NRG3: variants seen among roughly 807,000 people sequenced by gnomAD.
NRG3 encodes neuregulin 3, also known as pro-neuregulin-3, membrane-bound isoform.
NRG3 carries 31 observed loss-of-function variants against 66.9 expected under a neutral mutation model. The observed-to-expected ratio is 0.46, with a 90% CI of 0.35 to 0.63. The LOEUF (loss-of-function observed/expected upper bound fraction) is 0.63, where lower values mean the gene tolerates loss of function less well. Among genes scored for constraint, NRG3 ranks in the 20% least tolerant of loss-of-function variants. The pLI, the probability that NRG3 is intolerant of heterozygous loss-of-function variation, is 0.00. For missense variants in NRG3, 910 were observed against 878.9 expected, an observed-to-expected ratio of 1.04 and a Z score of -0.45; for synonymous variants, 393 against 359.4, an observed-to-expected ratio of 1.09 and a Z score of -1.06.
intron 2 of NRG3, among the ~76,000 whole-genome samples, chr10:82,449,898 C>T (rs1472940240): frequency 1.3e-5 from 2 of 152,116 alleles, no homozygotes; most frequent in African/African-American, 4.8e-5. Context: ...AGAGAGATAG[C>T]AGAAGACTAT....
At chr10:81,879,214 G>T (rs184206124) in intron 1 of NRG3, among the ~76,000 whole-genome samples, 2 of 152,266 alleles carry the variant, frequency 1.3e-5, no homozygotes, top group East Asian at 3.9e-4. Context: ...CTCTAAAAAC[G>T]AATGTCTTAA....
At chr10:81,962,816 A>G (rs905642184) in intron 1 of NRG3, among the ~76,000 whole-genome samples, 6 of 152,094 alleles carry the variant, frequency 3.9e-5, no homozygotes, top group Admixed American at 1.3e-4. Context: ...ATGGCATCCC[A>G]TCCTCCAGGG....
At chr10:82,818,371 A>T (rs551175989) in intron 3 of NRG3, among the ~76,000 whole-genome samples, 1 of 152,260 alleles carries the variant, frequency 6.6e-6, no homozygotes, top group South Asian at 2.1e-4. Context: ...GCTGTGGAAG[A>T]GGGCAACTAA....
chr10:82,635,863 C>T (rs116043982), intron 2 of NRG3, among the ~76,000 whole-genome samples: 2,339 of 152,074 alleles, frequency 0.015, 57 homozygotes, highest in African/African-American at 0.054. Flanking sequence ...GGCTTTGGAG[C>T]CCAAGTGAGA....
chr10:82,440,194 C>A (rs1219800641), intron 2 of NRG3, among the ~76,000 whole-genome samples: 17 of 151,450 alleles, frequency 1.1e-4, no homozygotes, highest in African/African-American at 3.6e-4. Context: ...TGAAAATCAT[C>A]CTTTCTCTAG....
At chr10:82,290,046 A>C (rs1470794358) in intron 1 of NRG3, among the ~76,000 whole-genome samples, 7 of 152,314 alleles carry the variant, frequency 4.6e-5, no homozygotes, top group African/African-American at 1.4e-4. Context: ...CTCAATTATC[A>C]CCTAGGCTTT....
intron 1 of NRG3, among the ~76,000 whole-genome samples, chr10:81,968,693 C>T (rs2059819311): frequency 6.6e-6 from 1 of 152,142 alleles, no homozygotes; most frequent in Non-Finnish European, 1.5e-5. Context: ...TGTGGGCTTC[C>T]ATTGTTACTC....
At chr10:82,964,969 A>G (rs1426810291) in intron 6 of NRG3, among the ~76,000 whole-genome samples, 2 of 152,202 alleles carry the variant, frequency 1.3e-5, no homozygotes, top group Non-Finnish European at 2.9e-5. Context: ...ATGTGCTAGG[A>G]GCAAAGCAGG....
At chr10:82,026,910 T>G (rs1369179815) in intron 1 of NRG3, among the ~76,000 whole-genome samples, 1 of 152,054 alleles carries the variant, frequency 6.6e-6, no homozygotes, top group African/African-American at 2.4e-5. Flanking sequence ...TTGTATTATT[T>G]CTTGGCTTTT....
intron 1 of NRG3, among the ~76,000 whole-genome samples, chr10:82,045,856 T>C (rs922149628): frequency 6.9e-6 from 1 of 145,274 alleles, no homozygotes; most frequent in Non-Finnish European, 1.5e-5. Context: ...TTTGTCAGGT[T>C]TGTCAAAGAT....
At chr10:82,954,064 A>G (rs4474379) in intron 5 of NRG3, among the ~76,000 whole-genome samples, 54,072 of 151,530 alleles carry the variant, frequency 0.36, 10,320 homozygotes, top group East Asian at 0.66. Context: ...GGTTTTCCAC[A>G]CTAGAACTTG....
intron 3 of NRG3, among the ~76,000 whole-genome samples, chr10:82,752,387 C>T (rs1048387875): frequency 7.2e-5 from 11 of 151,966 alleles, no homozygotes; most frequent in South Asian, 2.1e-4. Flanking sequence ...ACTGTATAAA[C>T]GTATAAGTAA....
intron 1 of NRG3, among the ~76,000 whole-genome samples, chr10:82,166,266 G>A (rs1270355162): frequency 7.2e-5 from 11 of 152,180 alleles, no homozygotes; most frequent in East Asian, 3.9e-4. Context: ...TGATCCGCCC[G>A]CCTTGGCCTC....
At chr10:82,528,996 A>G (rs1846997868) in intron 2 of NRG3, among the ~76,000 whole-genome samples, 1 of 152,210 alleles carries the variant, frequency 6.6e-6, no homozygotes. Flanking sequence ...AATAACCATG[A>G]CATTTAAATA....
intron 2 of NRG3, among the ~76,000 whole-genome samples, chr10:82,414,554 C>T (rs12245382): frequency 0.2 from 30,691 of 152,050 alleles, 4,307 homozygotes; most frequent in African/African-American, 0.4. Flanking sequence ...TAAACTTCCT[C>T]GATGCAGGGT....
chr10:82,111,306 T>C (rs781586369), intron 1 of NRG3, among the ~76,000 whole-genome samples: 61 of 152,210 alleles, frequency 4.0e-4, no homozygotes, highest in Non-Finnish European at 8.4e-4. Context: ...TCTAATAATC[T>C]CTTCTTAAAC....
At chr10:82,084,502 A>ACTTTTTTTTTTTTTTTTTTTTTTTT (rs11458166) in intron 1 of NRG3, among the ~76,000 whole-genome samples, 1 of 145,340 alleles carries the variant, frequency 6.9e-6, no homozygotes, top group African/African-American at 2.5e-5. Context: ...CATATATGAG[A>ACTTTTTTTTTTTTTTTTTTTTTTTT]TTTTTTTTTT....
intron 3 of NRG3, 66 bp downstream of exon 3, chr10:82,738,716 G>A (rs2058274399): frequency 7.5e-7 from 1 of 1,334,286 alleles, no homozygotes; most frequent in South Asian, 1.2e-5. Context: ...AGCAATGGTT[G>A]TTAACTCAGC....
chr10:82,694,922 G>T (rs1288951323), intron 2 of NRG3, among the ~76,000 whole-genome samples: 1 of 152,002 alleles, frequency 6.6e-6, no homozygotes, highest in African/African-American at 2.4e-5. Flanking sequence ...GATAACATAA[G>T]ACAACATCAA....
Sources: gnomAD v4.1 joint callset for allele counts (sites outside exome capture counted in the v4.1 genomes callset) on GRCh38, gnomAD v4.1.1 for gene constraint, MANE v1.5 for transcripts, NCBI Gene and HGNC (gene_info 2026-07-23, HGNC 2026-07-21) for gene names.